Variants in CNTN4 observed in about 807,000 individuals in gnomAD.
CNTN4 encodes contactin-4.
In CNTN4, 77 loss-of-function variants were observed where a neutral mutation model predicts 122.5. That is an observed-to-expected ratio of 0.63 (90% CI 0.52 to 0.76). The LOEUF (loss-of-function observed/expected upper bound fraction) is 0.76, where lower values mean the gene tolerates loss of function less well. Among genes scored for constraint, CNTN4 ranks in the 30% least tolerant of loss-of-function variants. CNTN4 has a pLI of 0.00. For missense variants in CNTN4, 1,256 were observed against 1,259.1 expected (o/e 1.00, Z 0.04); for synonymous variants, 512 against 447.0 (o/e 1.15, Z -1.83).
chr3:2,782,856 A>T (rs1353417690), intron 6 of CNTN4, among the ~76,000 whole-genome samples: 1 of 152,160 alleles, frequency 6.6e-6, no homozygotes, highest in Non-Finnish European at 1.5e-5. Flanking sequence ...TTTCAAGGGG[A>T]TCATAATCTT....
At chr3:2,696,854 T>C (rs2086063209) in intron 4 of CNTN4, among the ~76,000 whole-genome samples, 1 of 152,092 alleles carries the variant, frequency 6.6e-6, no homozygotes, top group Admixed American at 6.6e-5. Flanking sequence ...TCATGAATTA[T>C]TTGTATTCCA....
At chr3:2,931,826 G>T (rs983081909) in intron 13 of CNTN4, among the ~76,000 whole-genome samples, 1 of 151,936 alleles carries the variant, frequency 6.6e-6, no homozygotes, top group African/African-American at 2.4e-5. Flanking sequence ...TTTGTTGCTT[G>T]TAGAGACAGA....
At chr3:2,992,117 G>A (rs1019528488) in intron 14 of CNTN4, among the ~76,000 whole-genome samples, 1 of 152,132 alleles carries the variant, frequency 6.6e-6, no homozygotes, top group African/African-American at 2.4e-5. Flanking sequence ...GGAGAGGGAG[G>A]TGGCACATCT....
intron 8 of CNTN4, 124 bp from the exon 9 acceptor site, chr3:2,883,021 A>C: frequency 1.4e-6 from 1 of 711,386 alleles, no homozygotes; most frequent in Non-Finnish European, 2.5e-6. Flanking sequence ...ACCTGCTTTA[A>C]ATGAAGGAAT....
At chr3:2,966,335 A>G (rs9879179) in intron 13 of CNTN4, among the ~76,000 whole-genome samples, 10,304 of 152,208 alleles carry the variant, frequency 0.068, 917 homozygotes, top group African/African-American at 0.18. Flanking sequence ...ACAATTGATC[A>G]TTTGAATTTA....
chr3:2,839,153 T>C (rs573001832), intron 7 of CNTN4, among the ~76,000 whole-genome samples: 9 of 152,318 alleles, frequency 5.9e-5, no homozygotes, highest in African/African-American at 1.9e-4. Flanking sequence ...ACCTTGGAAA[T>C]AGAGGCCAAT....
intron 4 of CNTN4, among the ~76,000 whole-genome samples, chr3:2,599,626 A>C (rs985216767): frequency 6.6e-6 from 1 of 152,208 alleles, no homozygotes; most frequent in Non-Finnish European, 1.5e-5. Context: ...TATTACGGCT[A>C]TCTTTTGTAG....
intron 3 of CNTN4, among the ~76,000 whole-genome samples, chr3:2,503,689 G>T (rs1281890436): frequency 1.3e-5 from 2 of 152,056 alleles, no homozygotes; most frequent in Non-Finnish European, 2.9e-5. Context: ...AAGATTGAGA[G>T]GATTTTTTTT....
intron 13 of CNTN4, among the ~76,000 whole-genome samples, chr3:2,935,936 T>C (rs530944831): frequency 2.6e-4 from 39 of 152,266 alleles, no homozygotes; most frequent in African/African-American, 8.9e-4. Context: ...GTAGTATATT[T>C]AGGTGCAAGG....
At chr3:2,186,004 A>C (rs146436382) in intron 2 of CNTN4, among the ~76,000 whole-genome samples, 1 of 152,074 alleles carries the variant, frequency 6.6e-6, no homozygotes, top group Non-Finnish European at 1.5e-5. Flanking sequence ...ATATGTATAC[A>C]TGAGCCATGT....
intron 23 of CNTN4, among the ~76,000 whole-genome samples, chr3:3,052,543 G>A (rs1056926756): frequency 6.6e-6 from 1 of 152,152 alleles, no homozygotes; most frequent in Non-Finnish European, 1.5e-5. Context: ...AAACTACAGA[G>A]GATGAGCTTT....
At chr3:3,052,554 A>C (rs1701371134) in intron 23 of CNTN4, among the ~76,000 whole-genome samples, 1 of 152,174 alleles carries the variant, frequency 6.6e-6, no homozygotes. Context: ...GATGAGCTTT[A>C]GTGGTTCTAT....
chr3:2,652,399 A>AG (rs2083402565), intron 4 of CNTN4, among the ~76,000 whole-genome samples: 2 of 152,208 alleles, frequency 1.3e-5, no homozygotes, highest in Admixed American at 1.3e-4. Flanking sequence ...TTCAACTACT[A>AG]TCCTTATGGA....
chr3:2,998,927 A>G (rs1301911924), intron 14 of CNTN4: 3 of 152,220 alleles, frequency 2.0e-5, no homozygotes, highest in Non-Finnish European at 4.4e-5. Flanking sequence ...AAAAGTAGTT[A>G]TCACCAGCAT....
intron 3 of CNTN4, among the ~76,000 whole-genome samples, chr3:2,402,670 G>A (rs1051710666): frequency 1.3e-4 from 19 of 151,586 alleles, no homozygotes; most frequent in African/African-American, 3.9e-4. Context: ...CTGTATTTTC[G>A]TACTCGTTTG....
chr3:2,170,196 T>C (rs2036428673), intron 2 of CNTN4, among the ~76,000 whole-genome samples: 1 of 147,910 alleles, frequency 6.8e-6, no homozygotes, highest in South Asian at 2.1e-4. Flanking sequence ...TGGCGGCGCC[T>C]GTAGTCCCAG....
chr3:2,640,081 G>T (rs2082835480), intron 4 of CNTN4, among the ~76,000 whole-genome samples: 1 of 152,192 alleles, frequency 6.6e-6, no homozygotes, highest in South Asian at 2.1e-4. Flanking sequence ...GCTTAAAGGG[G>T]ATGTAGCTGG....
intron 12 of CNTN4, among the ~76,000 whole-genome samples, chr3:2,916,005 GT>G (rs1033555806): frequency 2.0e-5 from 3 of 152,154 alleles, no homozygotes; most frequent in African/African-American, 7.2e-5. Context: ...AAGTAGTGTT[GT>G]TACCAGGGGC....
chr3:2,893,332 A>T (rs1218049000), intron 10 of CNTN4, among the ~76,000 whole-genome samples: 1 of 152,210 alleles, frequency 6.6e-6, no homozygotes, highest in Non-Finnish European at 1.5e-5. Context: ...TGGATGTGCT[A>T]TGTATATGTG....
Sources: allele counts gnomAD v4.1 joint callset (sites outside exome capture counted in the v4.1 genomes callset), GRCh38; gene constraint gnomAD v4.1.1; transcripts MANE v1.5; gene names NCBI Gene and HGNC (gene_info 2026-07-23, HGNC 2026-07-21).